The following COL5A2 variants were observed in gnomAD, a reference collection of about 807,000 sequenced individuals.
The protein encoded by COL5A2 is collagen type V alpha 2 chain.
COL5A2 carries 23 observed loss-of-function variants against 208.2 expected under a neutral mutation model. The ratio of observed to expected loss-of-function variants is 0.11; its 90% CI spans 0.08 to 0.16. COL5A2 has a LOEUF of 0.16. Ranked by LOEUF, COL5A2 falls within the 10% of genes least tolerant of loss-of-function variation. The pLI, the probability that COL5A2 is intolerant of heterozygous loss-of-function variation, is 1.00. For missense variants in COL5A2, 1,590 were observed against 1,956.4 expected (o/e 0.81, Z 3.53); for synonymous variants, 625 against 628.5 (o/e 0.99, Z 0.08).
At chr2:189,106,148 C>T (rs1004337394) in intron 2 of COL5A2, among the ~76,000 whole-genome samples, 1 of 151,376 alleles carries the variant, frequency 6.6e-6, no homozygotes, top group Admixed American at 6.6e-5. Context: ...GTTGAATTCT[C>T]AAAGAAAGTG....
chr2:189,040,232 C>T (rs1489143858), intron 50 of COL5A2, among the ~76,000 whole-genome samples: 2 of 152,098 alleles, frequency 1.3e-5, no homozygotes, highest in African/African-American at 4.8e-5. Context: ...AAGCAATCCT[C>T]CCACCTTCAC....
intron 1 of COL5A2, among the ~76,000 whole-genome samples, chr2:189,190,861 T>A (rs757329359): frequency 2.6e-5 from 4 of 152,130 alleles, no homozygotes; most frequent in Non-Finnish European, 5.9e-5. Context: ...GAGAGATTAC[T>A]TTGAGAATGC....
At chr2:189,053,599 G>A in intron 37 of COL5A2, 122 bp from the exon 38 acceptor site, 1 of 923,652 alleles carries the variant, frequency 1.1e-6, no homozygotes, top group Admixed American at 2.1e-5. Flanking sequence ...TACACATATT[G>A]CTTAAGGAAG....
chr2:189,321,527 T>C, the COL5A2 span, among the ~76,000 whole-genome samples: 1 of 152,130 alleles, frequency 6.6e-6, no homozygotes, highest in African/African-American at 2.4e-5. Context: ...TAGTCTCTGA[T>C]AAAACAAATT....
the COL5A2 span, among the ~76,000 whole-genome samples, chr2:189,274,323 C>T: frequency 6.6e-6 from 1 of 152,098 alleles, no homozygotes; most frequent in Non-Finnish European, 1.5e-5. Context: ...GTATATTGTA[C>T]TTTGGGTATT....
chr2:189,319,624 G>A, the COL5A2 span, among the ~76,000 whole-genome samples: 5 of 152,222 alleles, frequency 3.3e-5, no homozygotes, highest in East Asian at 1.9e-4. Context: ...GGGGAGGGGC[G>A]CCCGCCATTG....
the COL5A2 span, among the ~76,000 whole-genome samples, chr2:189,356,637 C>G: frequency 6.6e-6 from 1 of 152,174 alleles, no homozygotes; most frequent in East Asian, 1.9e-4. Context: ...ATTCATCTAA[C>G]CTTTTTTCAA....
At chr2:189,340,492 G>A in the COL5A2 span, among the ~76,000 whole-genome samples, 1 of 152,222 alleles carries the variant, frequency 6.6e-6, no homozygotes, top group Non-Finnish European at 1.5e-5. Context: ...ACTCTGGCCT[G>A]GGAGGCCCAG....
At chr2:189,327,099 A>T in the COL5A2 span, among the ~76,000 whole-genome samples, 5 of 149,800 alleles carry the variant, frequency 3.3e-5, no homozygotes, top group Non-Finnish European at 5.9e-5. Context: ...ATAATAATAA[A>T]TAAAAAATAA....
the COL5A2 span, among the ~76,000 whole-genome samples, chr2:189,319,475 C>A: frequency 6.6e-6 from 1 of 152,246 alleles, no homozygotes; most frequent in Non-Finnish European, 1.5e-5. Context: ...ACTAATACTG[C>A]GCTTTTCCAA....
rs1195302290 is a variant in COL5A2, at chr2:189,048,220, C to T, written c.3190G>A (p.Val1064Ile). The T allele has an allele frequency of 6.2e-7, 1 of 1,613,990 alleles. No individual in the cohort carries two copies. Among genetic ancestry groups the T allele is most frequent in the South Asian group, 1.1e-5 (1 of 91,080 alleles). Reference protein sequence around the residue: ...NDGTPGRDGAVGERGDRGDPG... With the variant: ...NDGTPGRDGAIGERGDRGDPG... ...GAAATGGCTCTTACACGTTCTCCAA[C>T]AGCACCATCCCGTCCTGGGGTACCA... The change falls in exon 45 of 54, where the codon GTT (valine) becomes ATT (isoleucine). Residue 1064 changes from valine (V) to isoleucine (I), a missense_variant. Transcript: ENST00000374866.
chr2:189,294,037 G>A, the COL5A2 span, among the ~76,000 whole-genome samples: 34 of 147,676 alleles, frequency 2.3e-4, no homozygotes, highest in African/African-American at 8.3e-4. Context: ...GCAGTGAGCT[G>A]AGATCATGAC....
the COL5A2 span, among the ~76,000 whole-genome samples, chr2:189,362,554 C>T: frequency 1.3e-5 from 2 of 152,054 alleles, no homozygotes; most frequent in Admixed American, 1.3e-4. Flanking sequence ...GCAAAATGTT[C>T]CAATTGCACC....
chr2:189,300,154 T>C, the COL5A2 span, among the ~76,000 whole-genome samples: 1 of 152,216 alleles, frequency 6.6e-6, no homozygotes, highest in Non-Finnish European at 1.5e-5. Flanking sequence ...ACTTACAGTC[T>C]TCTGACTGAA....
the COL5A2 span, among the ~76,000 whole-genome samples, chr2:189,250,610 T>G: frequency 6.6e-5 from 10 of 152,250 alleles, no homozygotes; most frequent in East Asian, 1.9e-3. Context: ...ACTTTCTTCC[T>G]TCATTGGGGA....
intron 1 of COL5A2, among the ~76,000 whole-genome samples, chr2:189,140,195 A>C (rs1215438662): frequency 6.6e-6 from 1 of 152,224 alleles, no homozygotes; most frequent in Non-Finnish European, 1.5e-5. Flanking sequence ...AAAGTGTAAA[A>C]TATGTATTTA....
At chr2:189,415,155 A>G in the COL5A2 span, among the ~76,000 whole-genome samples, 2 of 152,086 alleles carry the variant, frequency 1.3e-5, no homozygotes, top group African/African-American at 4.8e-5. Context: ...TCCTCTGAAT[A>G]TTGCTTTCTT....
intron 1 of COL5A2, among the ~76,000 whole-genome samples, chr2:189,168,094 C>T (rs1227383735): frequency 3.3e-5 from 5 of 152,008 alleles, no homozygotes; most frequent in African/African-American, 7.2e-5. Context: ...CCCACCACCA[C>T]GCCTGGCTAA....
chr2:189,154,716 C>A (rs762811735), intron 1 of COL5A2, among the ~76,000 whole-genome samples: 31 of 152,244 alleles, frequency 2.0e-4, no homozygotes, highest in Middle Eastern at 6.8e-3. Context: ...CCCACCTCGG[C>A]CACCCAAAGC....
Sources: allele counts gnomAD v4.1 joint callset (sites outside exome capture counted in the v4.1 genomes callset), GRCh38; gene constraint gnomAD v4.1.1; transcripts MANE v1.5; gene names NCBI Gene and HGNC (gene_info 2026-07-23, HGNC 2026-07-21).